The following CEP63 variants were observed in gnomAD, a reference collection of about 807,000 sequenced individuals.
CEP63 encodes centrosomal protein of 63 kDa.
Under a neutral mutation model 89.1 loss-of-function variants are expected in CEP63, and 84 were observed. The ratio of observed to expected loss-of-function variants is 0.94; its 90% CI spans 0.79 to 1.13. CEP63 has a LOEUF of 1.13. Among genes scored for constraint, CEP63 ranks in the 50% most tolerant of loss-of-function variants. The pLI is 0.00. For synonymous variants in CEP63, 267 were observed against 272.5 expected, an observed-to-expected ratio of 0.98 and a Z score of 0.20; for missense variants, 838 against 813.3, an observed-to-expected ratio of 1.03 and a Z score of -0.37.
the CEP63 span, among the ~76,000 whole-genome samples, chr3:134,754,074 A>C: frequency 6.6e-6 from 1 of 152,202 alleles, no homozygotes; most frequent in African/African-American, 2.4e-5. Flanking sequence ...CAAAAATATG[A>C]TGAAATGGCA....
the CEP63 span, chr3:134,651,029 G>A: frequency 6.2e-7 from 1 of 1,601,942 alleles, no homozygotes; most frequent in Non-Finnish European, 8.5e-7. Context: ...AAATGGCCCC[G>A]TGCGCGCAGC....
chr3:134,663,313 A>G, the CEP63 span, among the ~76,000 whole-genome samples: 1 of 152,154 alleles, frequency 6.6e-6, no homozygotes, highest in Non-Finnish European at 1.5e-5. Context: ...AAGTATTCAC[A>G]AATGTTTAGG....
the CEP63 span, among the ~76,000 whole-genome samples, chr3:134,668,491 GC>G: frequency 1.3e-5 from 2 of 152,130 alleles, no homozygotes; most frequent in Non-Finnish European, 2.9e-5. Flanking sequence ...GCAGCCCTTA[GC>G]CCCCAGGAAT....
chr3:134,522,374 A>G (rs543736902), intron 3 of CEP63, among the ~76,000 whole-genome samples: 1 of 152,188 alleles, frequency 6.6e-6, no homozygotes, highest in South Asian at 2.1e-4. Flanking sequence ...ATGTGGGTTC[A>G]CAAGGGATAT....
At chr3:134,760,508 A>T in the CEP63 span, among the ~76,000 whole-genome samples, 1 of 152,230 alleles carries the variant, frequency 6.6e-6, no homozygotes, top group Non-Finnish European at 1.5e-5. Context: ...TGTGTGGTGT[A>T]TCCACAGACA....
At chr3:134,547,724 C>T (rs1022276469) in intron 9 of CEP63, among the ~76,000 whole-genome samples, 1 of 150,694 alleles carries the variant, frequency 6.6e-6, no homozygotes, top group Non-Finnish European at 1.5e-5. Context: ...ATTCTTCTGC[C>T]CCAGCCTCCT....
the CEP63 span, chr3:134,780,595 C>G: frequency 6.6e-6 from 1 of 152,176 alleles, no homozygotes; most frequent in Non-Finnish European, 1.5e-5. Context: ...CTGTATCATT[C>G]CAATTTTAGT....
intron 2 of CEP63, among the ~76,000 whole-genome samples, chr3:134,502,646 T>A (rs1942346112): frequency 6.6e-6 from 1 of 152,156 alleles, no homozygotes; most frequent in South Asian, 2.1e-4. Flanking sequence ...CTTTTGTACT[T>A]CTATGGGATT....
chr3:134,485,991 G>GGGCC, upstream of CEP63: 4 of 938,162 alleles, frequency 4.3e-6, no homozygotes, highest in Non-Finnish European at 3.8e-6. Context: ...CTCCTGCCAC[G>GGGCC]CCCCCCCCCC....
chr3:134,780,215 G>A, the CEP63 span, among the ~76,000 whole-genome samples: 1 of 152,172 alleles, frequency 6.6e-6, no homozygotes, highest in African/African-American at 2.4e-5. Context: ...TATCTGAAAT[G>A]TCTGTTTGAA....
At chr3:134,625,199 C>T in the CEP63 span, 1 of 1,304,850 alleles carries the variant, frequency 7.7e-7, no homozygotes, top group Non-Finnish European at 1.1e-6. Flanking sequence ...CTGGCCTAGG[C>T]CTTGCTGTCT....
intron 5 of CEP63, 47 bp from the exon 6 acceptor site, chr3:134,537,108 A>G: frequency 8.9e-7 from 1 of 1,128,272 alleles, no homozygotes; most frequent in Non-Finnish European, 1.4e-6. Context: ...AAGTAGTGAC[A>G]GTGAGGAGAA....
At chr3:134,486,572 G>C (rs1935482426) in intron 1 of CEP63, 2 of 976,300 alleles carry the variant, frequency 2.0e-6, no homozygotes, top group South Asian at 9.5e-5. Context: ...CGAGCGAGCT[G>C]CGCCCAGTAC....
the CEP63 span, among the ~76,000 whole-genome samples, chr3:134,740,591 C>A: frequency 2.0e-5 from 3 of 152,168 alleles, no homozygotes; most frequent in Admixed American, 6.5e-5. Context: ...GCCACCGTGC[C>A]CCGCCTCTTT....
At chr3:134,544,545 C>T (rs776618479) in intron 6 of CEP63, among the ~76,000 whole-genome samples, 30 of 150,526 alleles carry the variant, frequency 2.0e-4, no homozygotes, top group Non-Finnish European at 3.1e-4. Flanking sequence ...CCCCATTTCT[C>T]TGAATTTAAA....
At chr3:134,743,587 G>C in the CEP63 span, among the ~76,000 whole-genome samples, 2 of 152,088 alleles carry the variant, frequency 1.3e-5, no homozygotes, top group African/African-American at 4.8e-5. Flanking sequence ...CTGGACCAAG[G>C]GGGTGAACCT....
At chr3:134,660,996 G>A in the CEP63 span, among the ~76,000 whole-genome samples, 3 of 152,188 alleles carry the variant, frequency 2.0e-5, no homozygotes, top group Admixed American at 6.5e-5. Flanking sequence ...AGGCTGGAAT[G>A]CAGGTAGCAC....
chr3:134,571,295 A>G (rs1957999508), intron 11 of CEP63, among the ~76,000 whole-genome samples: 1 of 152,104 alleles, frequency 6.6e-6, no homozygotes, highest in Non-Finnish European at 1.5e-5. Context: ...TGGCTTAGGT[A>G]CTTAGAGGTT....
chr3:134,528,559 T>TGTGTGC (rs1273627536), intron 3 of CEP63, among the ~76,000 whole-genome samples: 4 of 114,848 alleles, frequency 3.5e-5, no homozygotes, highest in Admixed American at 2.0e-4. Flanking sequence ...GAGGGGTGTG[T>TGTGTGC]GTGTGTGTGC....
Sources: gnomAD v4.1 joint callset for allele counts (sites outside exome capture counted in the v4.1 genomes callset) on GRCh38, gnomAD v4.1.1 for gene constraint, MANE v1.5 for transcripts, NCBI Gene and HGNC (gene_info 2026-07-23, HGNC 2026-07-21) for gene names.